Variants in ROBO2 observed in about 807,000 individuals in gnomAD.
ROBO2 encodes roundabout guidance receptor 2, also known as roundabout homolog 2.
ROBO2 carries 53 observed loss-of-function variants against 160.8 expected under a neutral mutation model. The ratio of observed to expected loss-of-function variants is 0.33; its 90% CI spans 0.26 to 0.41. The LOEUF is 0.41. Among genes scored for constraint, ROBO2 ranks in the 10% least tolerant of loss-of-function variants. The pLI is 1.00. For missense variants in ROBO2, 1,577 were observed against 1,722.4 expected (o/e 0.92, Z 1.49); for synonymous variants, 664 against 611.7 (o/e 1.09, Z -1.26).
chr3:77,334,628 A>T (rs2066298935), intron 2 of ROBO2, among the ~76,000 whole-genome samples: 1 of 152,184 alleles, frequency 6.6e-6, no homozygotes, highest in Admixed American at 6.5e-5. Context: ...CATATAGCAA[A>T]CTTCCTGGCA....
intron 2 of ROBO2, among the ~76,000 whole-genome samples, chr3:76,990,976 G>C (rs148082737): frequency 1.3e-5 from 2 of 152,154 alleles, no homozygotes; most frequent in East Asian, 3.9e-4. Flanking sequence ...GAGAAGGGTA[G>C]CAAGACCCCA....
At chr3:76,150,512 G>T (rs551588977) in intron 2 of ROBO2, among the ~76,000 whole-genome samples, 2 of 151,828 alleles carry the variant, frequency 1.3e-5, no homozygotes, top group South Asian at 4.2e-4. Flanking sequence ...ACACACATTT[G>T]TCTAAAACAC....
intron 2 of ROBO2, among the ~76,000 whole-genome samples, chr3:77,299,907 T>C (rs1238697811): frequency 6.6e-6 from 1 of 152,102 alleles, no homozygotes; most frequent in Non-Finnish European, 1.5e-5. Flanking sequence ...TCAAAGATTC[T>C]AAGCCTGGGT....
At chr3:76,204,572 G>A (rs769440872) in intron 2 of ROBO2, among the ~76,000 whole-genome samples, 8 of 152,212 alleles carry the variant, frequency 5.3e-5, no homozygotes, top group South Asian at 4.2e-4. Flanking sequence ...CACCTGCATC[G>A]AATTCTGCTG....
intron 16 of ROBO2, among the ~76,000 whole-genome samples, chr3:77,581,128 C>A (rs2093907819): frequency 6.6e-6 from 1 of 152,076 alleles, no homozygotes; most frequent in Admixed American, 6.6e-5. Context: ...CACATAATTT[C>A]TTTTGTGAAT....
chr3:76,212,242 G>A (rs907996726), intron 2 of ROBO2, among the ~76,000 whole-genome samples: 5 of 151,864 alleles, frequency 3.3e-5, no homozygotes, highest in Admixed American at 2.0e-4. Context: ...ACTACCTAAT[G>A]GGGACGTGTA....
chr3:76,757,456 TAAGTA>T (rs2061040080), intron 2 of ROBO2, among the ~76,000 whole-genome samples: 1 of 151,862 alleles, frequency 6.6e-6, no homozygotes, highest in South Asian at 2.1e-4. Context: ...GTGTGGTCAC[TAAGTA>T]AAGAAAACAG....
At chr3:76,112,348 A>G (rs2070271331) in intron 2 of ROBO2, among the ~76,000 whole-genome samples, 1 of 152,082 alleles carries the variant, frequency 6.6e-6, no homozygotes, top group Non-Finnish European at 1.5e-5. Flanking sequence ...TTCAGAATGC[A>G]CTAATGTTCT....
At chr3:76,413,732 A>G (rs747886894) in intron 2 of ROBO2, among the ~76,000 whole-genome samples, 2 of 152,162 alleles carry the variant, frequency 1.3e-5, no homozygotes, top group African/African-American at 2.4e-5. Context: ...ACACGTCTCT[A>G]GGAAGTTTAA....
intron 2 of ROBO2, among the ~76,000 whole-genome samples, chr3:77,422,390 T>G (rs2153533371): frequency 6.6e-6 from 1 of 152,252 alleles, no homozygotes; most frequent in African/African-American, 2.4e-5. Flanking sequence ...TCCATATCAT[T>G]ATTTCATGGT....
At chr3:76,711,277 GAGAA>G (rs1258906688) in intron 2 of ROBO2, among the ~76,000 whole-genome samples, 1 of 152,154 alleles carries the variant, frequency 6.6e-6, no homozygotes, top group African/African-American at 2.4e-5. Flanking sequence ...CAGCAACAGA[GAGAA>G]AGAGCGAAGG....
intron 2 of ROBO2, among the ~76,000 whole-genome samples, chr3:77,458,491 C>A (rs945820541): frequency 1.3e-5 from 2 of 152,010 alleles, no homozygotes; most frequent in African/African-American, 4.8e-5. Flanking sequence ...TTTCCGCATA[C>A]CTATTAGGAA....
intron 2 of ROBO2, among the ~76,000 whole-genome samples, chr3:77,314,790 A>G (rs879568007): frequency 2.6e-5 from 4 of 152,170 alleles, no homozygotes; most frequent in Admixed American, 6.5e-5. Context: ...ATTTCCCAAA[A>G]TTGTTTCATT....
chr3:77,481,662 A>G (rs1248279426), intron 4 of ROBO2, among the ~76,000 whole-genome samples: 1 of 152,110 alleles, frequency 6.6e-6, no homozygotes, highest in Non-Finnish European at 1.5e-5. Flanking sequence ...TATAATTTCA[A>G]CTCTTGATAA....
chr3:76,488,829 T>G (rs911358163), intron 2 of ROBO2, among the ~76,000 whole-genome samples: 1 of 152,094 alleles, frequency 6.6e-6, no homozygotes, highest in Non-Finnish European at 1.5e-5. Context: ...TGAAATCACC[T>G]ACATTCAAAG....
At chr3:76,542,533 G>A (rs773105016) in intron 2 of ROBO2, among the ~76,000 whole-genome samples, 1 of 152,030 alleles carries the variant, frequency 6.6e-6, no homozygotes, top group Non-Finnish European at 1.5e-5. Flanking sequence ...TTTTTGCACT[G>A]CTGTTTACTG....
chr3:76,199,699 A>G (rs1192280409), intron 2 of ROBO2, among the ~76,000 whole-genome samples: 1 of 152,172 alleles, frequency 6.6e-6, no homozygotes, highest in Non-Finnish European at 1.5e-5. Context: ...CACTCTGTCA[A>G]TAACTGTCAA....
chr3:76,219,581 C>T (rs1289188373), intron 2 of ROBO2, among the ~76,000 whole-genome samples: 8 of 152,194 alleles, frequency 5.3e-5, no homozygotes, highest in East Asian at 3.8e-4. Flanking sequence ...AAAAAATGCT[C>T]ATCTTCACTG....
At chr3:77,646,142 A>T in exon 26 of ROBO2, 1 of 940,920 alleles carries the variant, frequency 1.1e-6, no homozygotes, top group Non-Finnish European at 1.6e-6. Context: ...TGCAATGAAC[A>T]ATTTATTTAT....
Sources: allele counts gnomAD v4.1 joint callset (sites outside exome capture counted in the v4.1 genomes callset), GRCh38; gene constraint gnomAD v4.1.1; transcripts MANE v1.5; gene names NCBI Gene and HGNC (gene_info 2026-07-23, HGNC 2026-07-21).